TRMT9B: variants seen among roughly 807,000 people sequenced by gnomAD.
TRMT9B encodes the protein probable tRNA methyltransferase 9B.
In TRMT9B, 16 loss-of-function variants were observed where a neutral mutation model predicts 11.5. The observed-to-expected ratio is 1.39, with a 90% CI of 0.94 to 2.11. The LOEUF (loss-of-function observed/expected upper bound fraction) is 2.11. Among genes scored for constraint, TRMT9B ranks in the 30% most tolerant of loss-of-function variants. TRMT9B has a pLI of 0.00. For missense variants in TRMT9B, 941 were observed against 553.8 expected (o/e 1.70, Z -7.02); for synonymous variants, 274 against 192.4 (o/e 1.42, Z -3.51).
At chr8:12,954,204 G>A (rs564499222) in intron 1 of TRMT9B, among the ~76,000 whole-genome samples, 7 of 152,298 alleles carry the variant, frequency 4.6e-5, no homozygotes, top group Middle Eastern at 3.4e-3. Flanking sequence ...CTCTGACAGC[G>A]AAATCTTACT....
intron 2 of TRMT9B, among the ~76,000 whole-genome samples, chr8:13,002,521 C>T (rs1045061328): frequency 2.0e-5 from 3 of 152,112 alleles, no homozygotes; most frequent in Middle Eastern, 3.2e-3. Flanking sequence ...TTTAGTCAGA[C>T]CTCACAAATT....
intron 1 of TRMT9B, among the ~76,000 whole-genome samples, chr8:12,986,442 T>C (rs1394781857): frequency 6.6e-6 from 1 of 152,250 alleles, no homozygotes; most frequent in African/African-American, 2.4e-5. Flanking sequence ...CCGTCAATTA[T>C]GGAACATATG....
intron 1 of TRMT9B, among the ~76,000 whole-genome samples, chr8:12,973,538 A>G (rs184141394): frequency 6.6e-6 from 1 of 152,218 alleles, no homozygotes; most frequent in South Asian, 2.1e-4. Flanking sequence ...TGAAGAGAGA[A>G]CAAAGGCACT....
chr8:13,009,173 T>A (rs1264782902), intron 3 of TRMT9B, among the ~76,000 whole-genome samples: 1 of 152,072 alleles, frequency 6.6e-6, no homozygotes, highest in Non-Finnish European at 1.5e-5. Flanking sequence ...TACCCAGTGA[T>A]CTCACTTATA....
chr8:12,994,376 A>G (rs1047237034), intron 2 of TRMT9B, among the ~76,000 whole-genome samples: 1 of 152,232 alleles, frequency 6.6e-6, no homozygotes, highest in African/African-American at 2.4e-5. Context: ...AGATACTGAT[A>G]TTGACTAGAA....
At chr8:12,973,066 A>G (rs77107432) in intron 1 of TRMT9B, among the ~76,000 whole-genome samples, 2 of 152,260 alleles carry the variant, frequency 1.3e-5, no homozygotes, top group South Asian at 2.1e-4. Flanking sequence ...GGAACCTCAC[A>G]TGAGTGGAGT....
chr8:12,975,089 AAG>A (rs772474405), intron 1 of TRMT9B, among the ~76,000 whole-genome samples: 32 of 151,904 alleles, frequency 2.1e-4, no homozygotes, highest in Non-Finnish European at 3.8e-4. Flanking sequence ...GATGATTGAG[AAG>A]AGAGAGAAGA....
In TRMT9B at chr8:13,021,509, G is replaced by A. The variant is rs770344566; in HGVS notation, c.830G>A (p.Trp277Ter). 1.9e-6 allele frequency: 3 copies of A among 1,613,612 alleles called. No homozygotes were observed. The highest frequency in any genetic ancestry group is 2.5e-6 in the Non-Finnish European group (3 of 1,179,586). ...RVRPLKNTEV[W>*]ASSTVTVQPS... ...AGACCCTTGAAAAACACAGAAGTTT[G>A]GGCCAGTAGCACTGTAACAGTCCAG... Residue 277 changes from tryptophan (W) to a stop codon, truncating the protein, a stop_gained, in exon 5 of 5, where the codon TGG becomes TAG. Transcript: ENST00000524591. LOFTEE classifies it low-confidence loss of function (END_TRUNC).
chr8:12,945,725 A>T lies in TRMT9B; in HGVS notation c.-441A>T, dbSNP rs1159716991. On this transcript the variant is annotated 5_prime_UTR_variant, in exon 1 of 5. An upstream start codon of the reference 5' UTR is lost. Transcript: ENST00000524591. ...TCACACATGTATATGTCAGAAGTAGATGCACATGTTCTTTTGGCTTTTTTT... is the reference window on the plus strand; with the variant it reads ...TCACACATGTATATGTCAGAAGTAGTTGCACATGTTCTTTTGGCTTTTTTT... 1 of 152,212 alleles carries T rather than the reference A, an allele frequency of 6.6e-6. No homozygotes were observed. Among genetic ancestry groups the T allele is most frequent in the Admixed American group, 6.5e-5 (1 of 15,282 alleles). The allele number at this position is 152,212 out of a possible 1,614,324, so 9.4% of individuals were successfully genotyped here.
chr8:13,015,883 C>T (rs902546847), intron 4 of TRMT9B, among the ~76,000 whole-genome samples: 1 of 151,898 alleles, frequency 6.6e-6, no homozygotes, highest in Non-Finnish European at 1.5e-5. Flanking sequence ...AAACAGCACG[C>T]GTTTTTATGA....
intron 1 of TRMT9B, among the ~76,000 whole-genome samples, chr8:12,983,531 G>A (rs1458256415): frequency 3.3e-5 from 5 of 152,272 alleles, no homozygotes; most frequent in Admixed American, 2.0e-4. Context: ...TTAGCTGGGC[G>A]TTGTGGCAGG....
At chr8:12,963,040 G>T (rs1398713725) in intron 1 of TRMT9B, among the ~76,000 whole-genome samples, 1 of 152,092 alleles carries the variant, frequency 6.6e-6, no homozygotes, top group Non-Finnish European at 1.5e-5. Flanking sequence ...CATTAAAGCA[G>T]GAAATTCAAG....
chr8:13,025,538 G>C lies in TRMT9B; in HGVS notation c.*3494G>C, dbSNP rs940474960. 1 of 166,904 alleles carries C rather than the reference G, an allele frequency of 6.0e-6. No homozygotes were observed. Among genetic ancestry groups the C allele is most frequent in the African/African-American group, 2.4e-5 (1 of 41,430 alleles). 10.3% of individuals were successfully genotyped at this position (166,904 alleles called of 1,614,324 possible). ...ATCTCCAACAAAACAAAACTTTGCT[G>C]GCTTCCTGATGCCTCACTGTCTATT... On this transcript the variant is annotated 3_prime_UTR_variant, in exon 5 of 5. Coordinates refer to ENST00000524591, the MANE Select transcript of TRMT9B (RefSeq NM_020844.3).
Position 13,028,615 on chromosome 8 carries a change from A to T in TRMT9B, c.*6571A>T, listed in dbSNP as rs1374355621. ...TTTTGAGACAGTGTCTCACTCTGTC[A>T]CCCAGGCTGGAGGGCAGTAGTGCAG... On this transcript the variant is annotated 3_prime_UTR_variant, in exon 5 of 5. Transcript: ENST00000524591. 4 of 128,910 alleles carry T rather than the reference A, an allele frequency of 3.1e-5. No individual in the cohort carries two copies. The highest frequency in any genetic ancestry group is 4.7e-5 in the Non-Finnish European group (3 of 64,338). The allele number at this position is 128,910 out of a possible 1,614,324, so 8.0% of individuals were successfully genotyped here. A position where few individuals can be genotyped will look rare whatever the true frequency, so the allele number is the denominator to read the frequency against.
intron 3 of TRMT9B, chr8:13,012,112 T>C (rs1225929123): frequency 2.0e-6 from 2 of 985,462 alleles, no homozygotes; most frequent in African/African-American, 3.5e-5. Context: ...GTTGCGCCAG[T>C]GTACTGAGCC....
chr8:12,977,561 C>T (rs10086048), intron 1 of TRMT9B, among the ~76,000 whole-genome samples: 46,679 of 151,834 alleles, frequency 0.31, 8,088 homozygotes, highest in Middle Eastern at 0.51. Flanking sequence ...ATTAGCTGGG[C>T]GTGGTGGCAC....
At chr8:12,952,361 G>A (rs1273787543) in intron 1 of TRMT9B, 1 of 323,226 alleles carries the variant, frequency 3.1e-6, no homozygotes, top group Non-Finnish European at 6.3e-6. Flanking sequence ...CCGCCTGGGT[G>A]AGTTCCTGCT....
intron 2 of TRMT9B, among the ~76,000 whole-genome samples, chr8:13,005,388 T>TA (rs899995064): frequency 1.8e-4 from 27 of 151,606 alleles, no homozygotes; most frequent in Admixed American, 8.6e-4. Flanking sequence ...GTGACTATAG[T>TA]AAAAAAAAAT....
At chr8:12,985,612 T>C (rs1806166323) in intron 1 of TRMT9B, among the ~76,000 whole-genome samples, 1 of 152,176 alleles carries the variant, frequency 6.6e-6, no homozygotes, top group Non-Finnish European at 1.5e-5. Flanking sequence ...CCCATCTTTG[T>C]TTGTCTTACA....
Sources: allele counts gnomAD v4.1 joint callset (sites outside exome capture counted in the v4.1 genomes callset), GRCh38; gene constraint gnomAD v4.1.1; transcripts MANE v1.5; gene names NCBI Gene and HGNC (gene_info 2026-07-23, HGNC 2026-07-21).